Variants in SYNPO2 observed in about 807,000 individuals in gnomAD.
The protein encoded by SYNPO2 is synaptopodin 2.
A neutral mutation model predicts 85.0 loss-of-function variants in SYNPO2; 56 were observed. The observed-to-expected ratio is 0.66, with a 90% CI of 0.53 to 0.82. The LOEUF (loss-of-function observed/expected upper bound fraction) is 0.82. SYNPO2 is among the 40% of genes least tolerant of loss of function. The pLI, the probability that SYNPO2 is intolerant of heterozygous loss-of-function variation, is 0.00. For synonymous variants in SYNPO2, 602 were observed against 591.1 expected, an observed-to-expected ratio of 1.02 and a Z score of -0.27; for missense variants, 1,575 against 1,534.2, an observed-to-expected ratio of 1.03 and a Z score of -0.44.
intron 1 of SYNPO2, among the ~76,000 whole-genome samples, chr4:118,881,995 A>G (rs1325079745): frequency 1.3e-5 from 2 of 152,214 alleles, no homozygotes; most frequent in Non-Finnish European, 2.9e-5. Flanking sequence ...CATCCTGTTG[A>G]TGATCTATCT....
intron 1 of SYNPO2, among the ~76,000 whole-genome samples, chr4:118,935,808 A>G (rs1734081246): frequency 6.6e-6 from 1 of 151,428 alleles, no homozygotes; most frequent in Non-Finnish European, 1.5e-5. Context: ...AAAGTAAGTT[A>G]GAGAAAAGAA....
At chr4:119,025,001 A>C (rs1019475604) in intron 2 of SYNPO2, among the ~76,000 whole-genome samples, 3 of 152,242 alleles carry the variant, frequency 2.0e-5, no homozygotes, top group African/African-American at 7.2e-5. Flanking sequence ...TAATTGTGAC[A>C]CATAAATTGT....
chr4:118,851,780 C>T (rs1731423478), intron 1 of SYNPO2, among the ~76,000 whole-genome samples: 1 of 152,096 alleles, frequency 6.6e-6, no homozygotes, highest in African/African-American at 2.4e-5. Flanking sequence ...GCTGGATTAT[C>T]ATAACCACCT....
intron 1 of SYNPO2, among the ~76,000 whole-genome samples, chr4:118,974,949 C>T (rs1735668325): frequency 6.6e-6 from 1 of 152,188 alleles, no homozygotes; most frequent in Non-Finnish European, 1.5e-5. Flanking sequence ...TACACACTGA[C>T]TAATCTCCCT....
intron 1 of SYNPO2, among the ~76,000 whole-genome samples, chr4:118,965,908 C>G (rs553667343): frequency 4.8e-5 from 7 of 147,240 alleles, no homozygotes; most frequent in Admixed American, 3.5e-4. Context: ...AATATGAGGC[C>G]CTGTCACTAC....
At chr4:118,891,015 A>G (rs760969943) in intron 1 of SYNPO2, among the ~76,000 whole-genome samples, 1 of 152,108 alleles carries the variant, frequency 6.6e-6, no homozygotes, top group Non-Finnish European at 1.5e-5. Context: ...GACGATTTCA[A>G]TGTGGGACCT....
At chr4:118,866,448 T>G (rs1414621407) in intron 1 of SYNPO2, among the ~76,000 whole-genome samples, 2 of 152,246 alleles carry the variant, frequency 1.3e-5, no homozygotes, top group Non-Finnish European at 2.9e-5. Context: ...CAGTTCTATC[T>G]CTAAGCAAAG....
upstream of SYNPO2, among the ~76,000 whole-genome samples, chr4:118,883,970 G>A (rs1732156953): frequency 6.6e-6 from 1 of 152,144 alleles, no homozygotes; most frequent in African/African-American, 2.4e-5. Context: ...GCAAGCAGCA[G>A]AAACATCAGC....
intron 4 of SYNPO2, chr4:119,044,071 C>G (rs1738803891): frequency 6.6e-6 from 1 of 150,954 alleles, no homozygotes; most frequent in South Asian, 2.1e-4. Flanking sequence ...ATTCCAATAA[C>G]TCCCGAGACA....
At chr4:119,035,800 G>A (rs1409034198) in intron 4 of SYNPO2, 3 of 968,774 alleles carry the variant, frequency 3.1e-6, no homozygotes, top group Non-Finnish European at 3.6e-6. Context: ...CTGGCAGCAA[G>A]AGTCACATCT....
At chr4:118,850,785 A>T in exon 1 of SYNPO2, 1 of 398,696 alleles carries the variant, frequency 2.5e-6, no homozygotes, top group Non-Finnish European at 4.4e-6. Context: ...GCGAAGCTCC[A>T]ATCTTGAGGA....
chr4:118,895,167 G>C (rs1732510980), intron 1 of SYNPO2, among the ~76,000 whole-genome samples: 1 of 152,092 alleles, frequency 6.6e-6, no homozygotes, highest in South Asian at 2.1e-4. Context: ...GTGGCTTTTG[G>C]TTATTAAAAC....
intron 1 of SYNPO2, among the ~76,000 whole-genome samples, chr4:118,908,837 C>A (rs1733034508): frequency 6.6e-6 from 1 of 152,160 alleles, no homozygotes; most frequent in African/African-American, 2.4e-5. Context: ...TTCTAATTCA[C>A]AAAAGTACTA....
rs928872016 is a variant in SYNPO2, at chr4:118,899,619, A to G, written c.105+10478A>G. The stretch of plus-strand genomic sequence containing the variant: ...CTGATAATCATTTTTCATTTTCGTC[A>G]ATAAATAATGCAACTATTTTTGTTG... On this transcript the variant is annotated intron_variant, in intron 1 of 4. Coordinates refer to ENST00000307142, the MANE Select transcript of SYNPO2 (RefSeq NM_133477.3). Among the ~76,000 whole-genome samples the G allele has an allele frequency of 2.6e-5, 4 of 152,216 alleles. No homozygotes were observed. In the South Asian group the frequency reaches 8.3e-4, roughly 32 times the overall value.
chr4:119,040,741 G>A (rs984983922), intron 4 of SYNPO2, among the ~76,000 whole-genome samples: 4 of 152,136 alleles, frequency 2.6e-5, no homozygotes, highest in Non-Finnish European at 5.9e-5. Context: ...GCTTAAATAG[G>A]CCTATTACAC....
intron 1 of SYNPO2, 39 bp from the exon 2 acceptor site, chr4:119,023,391 A>G: frequency 2.6e-6 from 4 of 1,561,144 alleles, no homozygotes; most frequent in Non-Finnish European, 3.5e-6. Flanking sequence ...TTTACAAATT[A>G]TATCATTCTA....
chr4:119,010,771 C>T (rs375754000), intron 1 of SYNPO2, among the ~76,000 whole-genome samples: 7 of 152,340 alleles, frequency 4.6e-5, no homozygotes, highest in African/African-American at 1.7e-4. Flanking sequence ...GAGCCCATAA[C>T]ACTGTTTGTC....
At chr4:118,977,247 A>G (rs35196530) in intron 1 of SYNPO2, among the ~76,000 whole-genome samples, 2,432 of 152,286 alleles carry the variant, frequency 0.016, 32 homozygotes, top group Non-Finnish European at 0.021. Flanking sequence ...CCGGTGGGCC[A>G]GCACTGCTGG....
chr4:118,951,723 T>C (rs1035702774), intron 1 of SYNPO2, among the ~76,000 whole-genome samples: 5 of 152,206 alleles, frequency 3.3e-5, no homozygotes, highest in African/African-American at 1.2e-4. Flanking sequence ...ATGTTACCTT[T>C]CCAAACGTGA....
Sources: allele counts gnomAD v4.1 joint callset (sites outside exome capture counted in the v4.1 genomes callset), GRCh38; gene constraint gnomAD v4.1.1; transcripts MANE v1.5; gene names NCBI Gene and HGNC (gene_info 2026-07-23, HGNC 2026-07-21).